The following AKAP13 variants were observed in gnomAD, a reference collection of about 807,000 sequenced individuals.
AKAP13 encodes the protein A-kinase anchor protein 13.
Under a neutral mutation model 264.5 loss-of-function variants are expected in AKAP13, and 80 were observed. The observed-to-expected ratio is 0.30, with a 90% confidence interval of 0.25 to 0.36. AKAP13 has a LOEUF of 0.36. Ranked by LOEUF, AKAP13 falls within the 10% of genes least tolerant of loss-of-function variation. AKAP13 has a pLI of 1.00. For synonymous variants in AKAP13, 1,380 were observed against 1,250.2 expected (o/e 1.10, Z -2.19); for missense variants, 3,712 against 3,435.2 (o/e 1.08, Z -2.01).
intron 1 of AKAP13, among the ~76,000 whole-genome samples, chr15:85,390,555 G>A (rs1177197992): frequency 1.5e-5 from 2 of 135,964 alleles, no homozygotes; most frequent in African/African-American, 5.5e-5. Context: ...ACAGCTGAAG[G>A]ATTTGAGCAA....
At chr15:85,555,793 A>G (rs941689070) in intron 5 of AKAP13, among the ~76,000 whole-genome samples, 1 of 152,212 alleles carries the variant, frequency 6.6e-6, no homozygotes, top group Admixed American at 6.5e-5. Flanking sequence ...GTTGAAACTC[A>G]TCCTGGGCTT....
At chr15:85,659,546 A>G (rs2083244997) in intron 12 of AKAP13, among the ~76,000 whole-genome samples, 1 of 152,256 alleles carries the variant, frequency 6.6e-6, no homozygotes, top group Admixed American at 6.5e-5. Context: ...TCTTCCAGAA[A>G]ATAAGTTGTT....
chr15:85,601,389 C>A (rs77430553), intron 8 of AKAP13, among the ~76,000 whole-genome samples: 63 of 152,286 alleles, frequency 4.1e-4, no homozygotes, highest in African/African-American at 1.2e-3. Flanking sequence ...TCACCAGCAT[C>A]ATTCATAATG....
intron 1 of AKAP13, among the ~76,000 whole-genome samples, chr15:85,484,378 A>G (rs1320437263): frequency 1.3e-5 from 2 of 152,240 alleles, no homozygotes; most frequent in Non-Finnish European, 2.9e-5. Context: ...GTACAAAGTC[A>G]TTAAGTGAAG....
chr15:85,609,409 T>A lies in AKAP13; in HGVS notation c.4161+23586T>A, dbSNP rs181739550. Among the ~76,000 whole-genome samples the A allele has an allele frequency of 3.6e-3, 551 of 152,362 alleles. 6 individuals are homozygous for A. The highest frequency in any genetic ancestry group is 9.1e-3 in the African/African-American group (378 of 41,588). On this transcript the variant is annotated intron_variant, in intron 8 of 36. Coordinates refer to ENST00000394518, the MANE Select transcript of AKAP13 (RefSeq NM_007200.5). ...TTGGTTTATTTCATTTAACGTAGTG[T>A]CCTCTAGGCTCATCCATCTTGCCAT... is the stretch of plus-strand genomic sequence containing the variant.
chr15:85,669,980 G>T (rs2083823791), intron 14 of AKAP13, 150 bp downstream of exon 14: 6 of 452,566 alleles, frequency 1.3e-5, no homozygotes, highest in Non-Finnish European at 2.4e-5. Flanking sequence ...AACAGAAAAG[G>T]TGGCATAGAG....
Position 85,581,199 on chromosome 15 carries a change from C to T in AKAP13, c.3131C>T (p.Pro1044Leu). 1 of 1,613,836 alleles carries T rather than the reference C, an allele frequency of 6.2e-7. No homozygotes were observed. Among genetic ancestry groups the T allele is most frequent in the Non-Finnish European group, 8.5e-7 (1 of 1,179,806 alleles). ...GAGCACAACAGCTCCGCTCTGTTGC[C>T]ATGTCTGTTGCCAGATGGGTCTGAT... ...GAEHNSSALLPCLLPDGSDGS... is the reference protein window; with the variant it reads ...GAEHNSSALLLCLLPDGSDGS... The change falls in exon 7 of 37, where the codon CCA becomes CTA. Residue 1044 changes from proline to leucine, a missense_variant. By Grantham distance (98) the Pro-to-Leu change is moderately conservative. Around this residue, in one of 3 missense-constraint regions of AKAP13, gnomAD observed 2,759 missense variants for 2,411.7 expected, o/e 1.14. Coordinates refer to ENST00000394518, the MANE Select transcript of AKAP13 (RefSeq NM_007200.5).
intron 8 of AKAP13, among the ~76,000 whole-genome samples, chr15:85,609,287 C>G (rs1176572930): frequency 6.6e-6 from 1 of 152,162 alleles, no homozygotes; most frequent in African/African-American, 2.4e-5. Context: ...CTTGTCCCAG[C>G]CTCTAGTAAC....
chr15:85,560,741 G>C (rs1483424402), intron 5 of AKAP13, among the ~76,000 whole-genome samples: 1 of 152,138 alleles, frequency 6.6e-6, no homozygotes, highest in East Asian at 1.9e-4. Context: ...GAGTGCTAGA[G>C]TGAGCCTTAT....
intron 1 of AKAP13, among the ~76,000 whole-genome samples, chr15:85,410,449 G>A (rs2071907232): frequency 6.6e-6 from 1 of 151,588 alleles, no homozygotes; most frequent in Non-Finnish European, 1.5e-5. Flanking sequence ...CCTTTCAGGG[G>A]CTTTGTGATG....
chr15:85,389,792 C>T (rs2070762048), intron 1 of AKAP13: 1 of 152,240 alleles, frequency 6.6e-6, no homozygotes, highest in Non-Finnish European at 1.5e-5. Context: ...AGAAGGATCA[C>T]TATAATCTAT....
At chr15:85,401,674 C>A (rs1417883434) in intron 1 of AKAP13, among the ~76,000 whole-genome samples, 2 of 152,316 alleles carry the variant, frequency 1.3e-5, no homozygotes, top group Admixed American at 1.3e-4. Flanking sequence ...GGTCAACCAA[C>A]AAATAGGACC....
chr15:85,440,880 A>C (rs1262421038), intron 1 of AKAP13, among the ~76,000 whole-genome samples: 1 of 152,204 alleles, frequency 6.6e-6, no homozygotes, highest in African/African-American at 2.4e-5. Flanking sequence ...TTTTTAAAAA[A>C]ATTCTGCAGT....
chr15:85,415,280 C>G, intron 1 of AKAP13: 1 of 1,585,512 alleles, frequency 6.3e-7, no homozygotes, highest in Non-Finnish European at 8.6e-7. Context: ...ACAGCAGAGG[C>G]TTTGATGAAT....
At chr15:85,602,245 G>A (rs931600567) in intron 8 of AKAP13, among the ~76,000 whole-genome samples, 3 of 151,732 alleles carry the variant, frequency 2.0e-5, no homozygotes, top group Non-Finnish European at 2.9e-5. Context: ...GCACAATCTC[G>A]GCCCACTGCA....
chr15:85,505,325 T>C (rs1343417498), intron 2 of AKAP13, among the ~76,000 whole-genome samples: 1 of 152,238 alleles, frequency 6.6e-6, no homozygotes, highest in South Asian at 2.1e-4. Context: ...TTAAGAATTA[T>C]CCTGTATCTT....
At chr15:85,389,969 G>A (rs1463362502) in intron 1 of AKAP13, 2 of 152,240 alleles carry the variant, frequency 1.3e-5, no homozygotes, top group African/African-American at 4.8e-5. Flanking sequence ...GTTGTAGTGA[G>A]TCAGTGGGTA....
chr15:85,466,409 T>C (rs2074742909), intron 1 of AKAP13, among the ~76,000 whole-genome samples: 2 of 152,196 alleles, frequency 1.3e-5, no homozygotes, highest in African/African-American at 4.8e-5. Flanking sequence ...TTTGGTGTTT[T>C]GGACATGAAG....
intron 5 of AKAP13, among the ~76,000 whole-genome samples, chr15:85,546,840 C>A (rs1045348320): frequency 6.6e-6 from 1 of 151,820 alleles, no homozygotes; most frequent in East Asian, 1.9e-4. Flanking sequence ...GCCTCCCAGG[C>A]TCAAGCAATT....
Sources: gnomAD v4.1 joint callset for allele counts (sites outside exome capture counted in the v4.1 genomes callset) on GRCh38, gnomAD v4.1.1 for gene constraint, gnomAD v4.1.1 regional missense constraint, MANE v1.5 for transcripts, NCBI Gene and HGNC (gene_info 2026-07-23, HGNC 2026-07-21) for gene names.